PDE10A: variants seen among roughly 807,000 people sequenced by gnomAD.
The protein encoded by PDE10A is cAMP and cAMP-inhibited cGMP 3',5'-cyclic phosphodiesterase 10A.
PDE10A carries 39 observed loss-of-function variants against 97.7 expected under a neutral mutation model. The observed-to-expected ratio is 0.40, with a 90% CI of 0.31 to 0.52. The LOEUF is 0.52. PDE10A is among the 20% of genes least tolerant of loss of function. The pLI, the probability that PDE10A is intolerant of heterozygous loss-of-function variation, is 0.56. For missense variants in PDE10A, 731 were observed against 1,047.8 expected (o/e 0.70, Z 4.17); for synonymous variants, 371 against 376.8 (o/e 0.98, Z 0.18).
At chr6:165,470,243 CCAAA>C (rs1778909004) in intron 3 of PDE10A, among the ~76,000 whole-genome samples, 1 of 152,070 alleles carries the variant, frequency 6.6e-6, no homozygotes, top group African/African-American at 2.4e-5. Flanking sequence ...CTTGTTAGGG[CCAAA>C]CAAACCATAC....
intron 1 of PDE10A, among the ~76,000 whole-genome samples, chr6:165,646,582 C>T (rs750960475): frequency 3.9e-5 from 6 of 152,212 alleles, no homozygotes; most frequent in Non-Finnish European, 7.3e-5. Context: ...TCATTCAGCA[C>T]GCGCTCAGTG....
intron 1 of PDE10A, among the ~76,000 whole-genome samples, chr6:165,794,832 G>T (rs1376507764): frequency 6.6e-6 from 1 of 152,192 alleles, no homozygotes; most frequent in African/African-American, 2.4e-5. Flanking sequence ...TTTATCAATA[G>T]TTGGGCGTAA....
chr6:165,900,326 G>A (rs1782068513), intron 1 of PDE10A, among the ~76,000 whole-genome samples: 1 of 152,062 alleles, frequency 6.6e-6, no homozygotes, highest in South Asian at 2.1e-4. Context: ...ACAAAAATTA[G>A]CTGGGCATGA....
At chr6:165,950,002 C>T (rs1017838045) in intron 1 of PDE10A, 2 of 152,124 alleles carry the variant, frequency 1.3e-5, no homozygotes, top group Admixed American at 6.5e-5. Context: ...AATGTTGATG[C>T]AAGAGGCATC....
In PDE10A at chr6:165,338,574, A is replaced by G. The variant is rs530134855; in HGVS notation, c.2976+704T>C. On this transcript the variant is annotated intron_variant, in intron 20 of 21. Coordinates refer to ENST00000539869, the MANE Select transcript of PDE10A (RefSeq NM_001385079.1). ...CAATTTATGTTGAGACAAAACATAA[A>G]ATGTACTAAAATACTAAGCATTATT... 3.3e-5 allele frequency among the ~76,000 whole-genome samples: 5 copies of G among 152,360 alleles called. No homozygotes were observed. In the South Asian group the frequency reaches 8.3e-4, roughly 25 times the overall value.
At chr6:165,645,603 C>T (rs1789353435) in intron 1 of PDE10A, among the ~76,000 whole-genome samples, 1 of 152,076 alleles carries the variant, frequency 6.6e-6, no homozygotes, top group Non-Finnish European at 1.5e-5. Context: ...CCTGTAATCC[C>T]AGCACTTTGG....
chr6:165,413,246 C>T (rs1332336522), intron 13 of PDE10A, among the ~76,000 whole-genome samples: 3 of 151,984 alleles, frequency 2.0e-5, no homozygotes, highest in Non-Finnish European at 1.5e-5. Flanking sequence ...GGACATGTTA[C>T]CTTTACAGTA....
At chr6:165,461,553 C>T (rs534747319) in intron 3 of PDE10A, among the ~76,000 whole-genome samples, 22 of 152,256 alleles carry the variant, frequency 1.4e-4, no homozygotes, top group African/African-American at 3.4e-4. Flanking sequence ...TGGTTCATTC[C>T]GCACAGTTAA....
intron 1 of PDE10A, among the ~76,000 whole-genome samples, chr6:165,799,524 T>A (rs963966746): frequency 6.6e-6 from 1 of 152,190 alleles, no homozygotes; most frequent in Non-Finnish European, 1.5e-5. Flanking sequence ...TTGGATTGTC[T>A]ACTGTATGGA....
intron 1 of PDE10A, among the ~76,000 whole-genome samples, chr6:165,790,729 G>A (rs1403412670): frequency 2.6e-5 from 4 of 152,014 alleles, no homozygotes. Context: ...CTTTTCTCAC[G>A]TCCCAAGAAG....
intron 1 of PDE10A, among the ~76,000 whole-genome samples, chr6:165,719,834 G>C (rs947597938): frequency 1.6e-4 from 25 of 152,218 alleles, no homozygotes; most frequent in African/African-American, 5.8e-4. Context: ...ACTAATTGCA[G>C]GGAAAAGACA....
chr6:165,460,644 C>A (rs922223242), intron 3 of PDE10A, among the ~76,000 whole-genome samples: 7 of 152,132 alleles, frequency 4.6e-5, no homozygotes, highest in Non-Finnish European at 1.0e-4. Context: ...GTTGGTAAAG[C>A]CCCTGAAATA....
rs572577687 is a variant in PDE10A at position 165,916,216 on chromosome 6, G to A, written c.-615+71313C>T. 1.1e-4 allele frequency among the ~76,000 whole-genome samples: 16 copies of A among 152,314 alleles called. No individual in the cohort carries two copies. In the East Asian group the frequency reaches 1.3e-3, roughly 13 times the overall value. Reference sequence around the variant, plus strand: ...TTCCTAATTTGCAATCTGTTGATCCGAACTTGTTTCTGCAAAACCTGCCAG... The same window carrying A: ...TTCCTAATTTGCAATCTGTTGATCCAAACTTGTTTCTGCAAAACCTGCCAG... On this transcript the variant is annotated intron_variant, in intron 1 of 19. Transcript: ENST00000366882.
intron 1 of PDE10A, among the ~76,000 whole-genome samples, chr6:165,768,348 T>C (rs560480731): frequency 3.9e-5 from 6 of 152,290 alleles, no homozygotes; most frequent in African/African-American, 1.2e-4. Context: ...AAGAAACCAC[T>C]GGGCAATCTG....
intron 1 of PDE10A, among the ~76,000 whole-genome samples, chr6:165,788,245 C>T (rs1234333707): frequency 4.0e-5 from 6 of 151,890 alleles, no homozygotes; most frequent in South Asian, 2.1e-4. Flanking sequence ...TGGCCAGGTG[C>T]GGTGGCTCAC....
At chr6:165,735,155 G>A (rs1792540764) in intron 1 of PDE10A, among the ~76,000 whole-genome samples, 1 of 151,994 alleles carries the variant, frequency 6.6e-6, no homozygotes, top group Non-Finnish European at 1.5e-5. Flanking sequence ...TAGGTAGGTA[G>A]GTGGATCAAT....
rs561055748 is a variant in PDE10A, at chr6:165,778,701, A to G, written c.-615+208828T>C. On this transcript the variant is annotated intron_variant, in intron 1 of 19. Coordinates refer to the PDE10A transcript ENST00000366882. ...TAACGGGTAAGGATTTCCATTATCT[A>G]TATCCTCACCAACTTTTAAATTGTA... Among the ~76,000 whole-genome samples the G allele has an allele frequency of 9.6e-4, 146 of 152,352 alleles. 1 individual carries two copies. Among genetic ancestry groups the G allele is most frequent in the African/African-American group, 3.4e-3 (141 of 41,586 alleles).
chr6:165,834,089 G>A (rs1462411040), intron 1 of PDE10A, among the ~76,000 whole-genome samples: 1 of 152,174 alleles, frequency 6.6e-6, no homozygotes, highest in Non-Finnish European at 1.5e-5. Flanking sequence ...CGGAGGGTGA[G>A]CTGGAAGGAG....
intron 1 of PDE10A, among the ~76,000 whole-genome samples, chr6:165,682,565 G>C (rs1051004876): frequency 2.6e-5 from 4 of 152,078 alleles, no homozygotes; most frequent in Non-Finnish European, 5.9e-5. Context: ...GACGCCAGAG[G>C]CCCCCTTTGC....
Sources: gnomAD v4.1 joint callset for allele counts (sites outside exome capture counted in the v4.1 genomes callset) on GRCh38, gnomAD v4.1.1 for gene constraint, MANE v1.5 for transcripts, NCBI Gene and HGNC (gene_info 2026-07-23, HGNC 2026-07-21) for gene names.